LYPD6B: variants seen among roughly 807,000 people sequenced by gnomAD.
LYPD6B encodes the protein LY6/PLAUR domain containing 6B, also known as ly6/PLAUR domain-containing protein 6B.
LYPD6B carries 17 observed loss-of-function variants against 22.8 expected under a neutral mutation model. The observed-to-expected ratio is 0.75, with a 90% confidence interval of 0.51 to 1.12. The LOEUF (loss-of-function observed/expected upper bound fraction) is 1.12, where lower values mean the gene tolerates loss of function less well. Among genes scored for constraint, LYPD6B ranks in the 50% most tolerant of loss-of-function variants. The pLI, the probability that LYPD6B is intolerant of heterozygous loss-of-function variation, is 0.00. For synonymous variants in LYPD6B, 106 were observed against 91.6 expected (o/e 1.16, Z -0.90); for missense variants, 221 against 258.3 (o/e 0.86, Z 0.99).
chr2:149,211,099 GA>G (rs1014407736), intron 5 of LYPD6B, among the ~76,000 whole-genome samples: 4 of 152,118 alleles, frequency 2.6e-5, no homozygotes, highest in African/African-American at 9.7e-5. Flanking sequence ...GCAAGAAAGA[GA>G]GGGGGGAGGT....
chr2:149,206,164 A>G (rs1447938681), intron 4 of LYPD6B: 2 of 301,620 alleles, frequency 6.6e-6, no homozygotes, highest in Middle Eastern at 6.3e-4. Context: ...CATATCCCTA[A>G]TCACTTCTCC....
chr2:149,173,453 T>G (rs942920099), intron 3 of LYPD6B, among the ~76,000 whole-genome samples: 1 of 151,798 alleles, frequency 6.6e-6, no homozygotes, highest in Non-Finnish European at 1.5e-5. Flanking sequence ...TCTTCTTATC[T>G]TCATTCAAGT....
At chr2:149,170,076 C>A (rs1690717509) in intron 3 of LYPD6B, among the ~76,000 whole-genome samples, 1 of 152,190 alleles carries the variant, frequency 6.6e-6, no homozygotes, top group African/African-American at 2.4e-5. Flanking sequence ...TCAGCCATGT[C>A]TCTATTTGAA....
intron 1 of LYPD6B, among the ~76,000 whole-genome samples, chr2:149,052,442 G>A (rs1683606368): frequency 6.6e-6 from 1 of 152,200 alleles, no homozygotes; most frequent in Admixed American, 6.5e-5. Flanking sequence ...TTCCCTGAAA[G>A]CTACTATAAA....
At chr2:149,049,633 G>T (rs753266648) in intron 1 of LYPD6B, among the ~76,000 whole-genome samples, 1 of 152,128 alleles carries the variant, frequency 6.6e-6, no homozygotes, top group African/African-American at 2.4e-5. Context: ...AGTTTTATGC[G>T]CTAGATACTA....
chr2:149,157,291 A>T (rs1053266512), intron 2 of LYPD6B, among the ~76,000 whole-genome samples: 12 of 149,336 alleles, frequency 8.0e-5, no homozygotes, highest in African/African-American at 2.0e-4. Context: ...TTTTGTCTTT[A>T]AAAAAAAACC....
chr2:149,166,089 G>A (rs2105906243), intron 3 of LYPD6B, among the ~76,000 whole-genome samples: 1 of 152,272 alleles, frequency 6.6e-6, no homozygotes, highest in Non-Finnish European at 1.5e-5. Flanking sequence ...TGAAGAATGA[G>A]GATATTTAAT....
chr2:149,089,987 T>A (rs1685577021), intron 1 of LYPD6B, among the ~76,000 whole-genome samples: 1 of 152,190 alleles, frequency 6.6e-6, no homozygotes, highest in Middle Eastern at 3.2e-3. Flanking sequence ...ACGTTCTTCC[T>A]CTATTAAATG....
intron 2 of LYPD6B, among the ~76,000 whole-genome samples, chr2:149,152,543 T>C (rs1166334117): frequency 6.6e-6 from 1 of 152,212 alleles, no homozygotes; most frequent in African/African-American, 2.4e-5. Flanking sequence ...ACGTAGGGCA[T>C]CCTTAATGAA....
At chr2:149,098,471 GA>G (rs1395300528) in intron 1 of LYPD6B, among the ~76,000 whole-genome samples, 2 of 151,406 alleles carry the variant, frequency 1.3e-5, no homozygotes, top group East Asian at 1.9e-4. Context: ...CTAAAAATAC[GA>G]AAAAATTAGC....
chr2:149,120,361 G>GTGTGTGTATA (rs796413041), intron 1 of LYPD6B, among the ~76,000 whole-genome samples: 2 of 38,758 alleles, frequency 5.2e-5, no homozygotes, highest in African/African-American at 3.5e-4. Context: ...GTGTGTGTGT[G>GTGTGTGTATA]TATATATATA....
At chr2:149,086,254 G>A (rs1158916589) in intron 1 of LYPD6B, among the ~76,000 whole-genome samples, 1 of 152,120 alleles carries the variant, frequency 6.6e-6, no homozygotes, top group African/African-American at 2.4e-5. Flanking sequence ...ATCAAAGGAG[G>A]CTACATCTAG....
intron 3 of LYPD6B, among the ~76,000 whole-genome samples, chr2:149,190,956 T>A (rs960699530): frequency 6.6e-6 from 1 of 152,094 alleles, no homozygotes; most frequent in South Asian, 2.1e-4. Context: ...GAATCATGGT[T>A]AGAAAGACCT....
chr2:149,202,815 A>G (rs956253977), intron 3 of LYPD6B, among the ~76,000 whole-genome samples: 1 of 152,234 alleles, frequency 6.6e-6, no homozygotes, highest in African/African-American at 2.4e-5. Flanking sequence ...TTTGTTCATA[A>G]TAGTAAGTGC....
intron 1 of LYPD6B, among the ~76,000 whole-genome samples, chr2:149,094,321 T>C (rs1250035677): frequency 6.6e-6 from 1 of 152,190 alleles, no homozygotes; most frequent in African/African-American, 2.4e-5. Flanking sequence ...ATTTGAAAAA[T>C]TGAACAAAGC....
chr2:149,069,728 A>G (rs1049239191), intron 1 of LYPD6B, among the ~76,000 whole-genome samples: 2 of 152,112 alleles, frequency 1.3e-5, no homozygotes, highest in Non-Finnish European at 2.9e-5. Context: ...CCAGCATGAC[A>G]TCTTTCCACA....
At chr2:149,073,798 A>G (rs2105367620) in intron 1 of LYPD6B, among the ~76,000 whole-genome samples, 1 of 151,948 alleles carries the variant, frequency 6.6e-6, no homozygotes, top group South Asian at 2.1e-4. Flanking sequence ...CCTGTCTCTG[A>G]TCCTTTCCCT....
intron 5 of LYPD6B, among the ~76,000 whole-genome samples, chr2:149,210,237 T>G (rs1693762604): frequency 6.6e-6 from 1 of 152,100 alleles, no homozygotes; most frequent in Non-Finnish European, 1.5e-5. Flanking sequence ...TTTCTGGGCT[T>G]TAGGATTTCT....
chr2:149,199,588 A>G (rs764355844), intron 3 of LYPD6B, among the ~76,000 whole-genome samples: 1 of 152,238 alleles, frequency 6.6e-6, no homozygotes, highest in Non-Finnish European at 1.5e-5. Flanking sequence ...ATCCAAGAGT[A>G]AAGTCTGTTG....
Sources: allele counts gnomAD v4.1 joint callset (sites outside exome capture counted in the v4.1 genomes callset), GRCh38; gene constraint gnomAD v4.1.1; transcripts MANE v1.5; gene names NCBI Gene and HGNC (gene_info 2026-07-23, HGNC 2026-07-21).